Variants in SLC14A2 observed in about 807,000 individuals in gnomAD.
SLC14A2 encodes urea transporter 2.
Under a neutral mutation model 104.6 loss-of-function variants are expected in SLC14A2, and 91 were observed. The observed-to-expected ratio is 0.87, with a 90% CI of 0.73 to 1.04. The LOEUF (loss-of-function observed/expected upper bound fraction) is 1.04. Among genes scored for constraint, SLC14A2 ranks in the 50% least tolerant of loss-of-function variants. The pLI, the probability that SLC14A2 is intolerant of heterozygous loss-of-function variation, is 0.00. For missense variants in SLC14A2, 1,189 were observed against 1,156.0 expected, an observed-to-expected ratio of 1.03 and a Z score of -0.41; for synonymous variants, 476 against 466.4, an observed-to-expected ratio of 1.02 and a Z score of -0.27.
At chr18:45,386,874 A>G (rs987139218) in intron 1 of SLC14A2, among the ~76,000 whole-genome samples, 7 of 152,214 alleles carry the variant, frequency 4.6e-5, no homozygotes, top group Admixed American at 3.9e-4. Flanking sequence ...TGTGTAAACC[A>G]CTTAGCACAT....
intron 1 of SLC14A2, among the ~76,000 whole-genome samples, chr18:45,310,714 C>T (rs533277595): frequency 4.6e-5 from 7 of 152,290 alleles, no homozygotes; most frequent in East Asian, 1.9e-4. Context: ...CACACTATGT[C>T]GGTCTCTATA....
chr18:45,225,487 T>A (rs2084106103), intron 1 of SLC14A2, among the ~76,000 whole-genome samples: 1 of 152,198 alleles, frequency 6.6e-6, no homozygotes, highest in Admixed American at 6.5e-5. Context: ...TCATTTTTGG[T>A]TCCATATGAA....
At chr18:45,192,589 C>G in the SLC14A2 span, among the ~76,000 whole-genome samples, 1 of 151,460 alleles carries the variant, frequency 6.6e-6, no homozygotes, top group African/African-American at 2.4e-5. Flanking sequence ...GTCTTTTTAA[C>G]CATTCTAACA....
At chr18:45,218,471 G>C (rs537577953) in intron 1 of SLC14A2, among the ~76,000 whole-genome samples, 1 of 152,260 alleles carries the variant, frequency 6.6e-6, no homozygotes, top group Non-Finnish European at 1.5e-5. Context: ...ATGCATGCTA[G>C]TATTTTTGGT....
At chr18:45,552,771 T>C (rs2044074411) in intron 2 of SLC14A2, among the ~76,000 whole-genome samples, 1 of 151,816 alleles carries the variant, frequency 6.6e-6, no homozygotes, top group Admixed American at 6.6e-5. Flanking sequence ...GCAAAAGACG[T>C]GAGATGGGCA....
At chr18:45,295,533 C>T (rs1278910572) in intron 1 of SLC14A2, among the ~76,000 whole-genome samples, 1 of 152,184 alleles carries the variant, frequency 6.6e-6, no homozygotes, top group African/African-American at 2.4e-5. Flanking sequence ...CCATTACAAA[C>T]ATTTTCCTAG....
chr18:45,190,805 A>G, the SLC14A2 span, among the ~76,000 whole-genome samples: 2 of 152,198 alleles, frequency 1.3e-5, no homozygotes, highest in Non-Finnish European at 2.9e-5. Flanking sequence ...TTATCCGCAT[A>G]TTACAGGTGA....
At chr18:45,170,473 C>A in the SLC14A2 span, among the ~76,000 whole-genome samples, 1 of 152,110 alleles carries the variant, frequency 6.6e-6, no homozygotes, top group Non-Finnish European at 1.5e-5. Flanking sequence ...GATATATAAC[C>A]TTGAATGTTT....
In SLC14A2 at chr18:45,430,204, C is replaced by A. The variant is rs549571486; in HGVS notation, c.-124-53029C>A. On this transcript the variant is annotated intron_variant, in intron 1 of 20. Transcript: ENST00000586448. ...TCATTTTGGCAGATGGGAAAATAAT[C>A]TTTGAGAGTTAGGTAGCTTTCCCCA... Among the ~76,000 whole-genome samples the A allele has an allele frequency of 1.2e-3, 188 of 152,310 alleles. 1 individual carries two copies. The highest frequency in any genetic ancestry group is 2.1e-3 in the Non-Finnish European group (140 of 68,028).
intron 1 of SLC14A2, among the ~76,000 whole-genome samples, chr18:45,371,775 C>T (rs1460667402): frequency 6.6e-6 from 1 of 152,206 alleles, no homozygotes; most frequent in Non-Finnish European, 1.5e-5. Flanking sequence ...TTGTTGGCTT[C>T]ATATCTGATT....
At chr18:45,217,126 T>G (rs1323539586) in intron 1 of SLC14A2, among the ~76,000 whole-genome samples, 1 of 151,816 alleles carries the variant, frequency 6.6e-6, no homozygotes, top group Non-Finnish European at 1.5e-5. Context: ...CTTGCACTTC[T>G]ATTTTAATAA....
At chr18:45,624,841 T>C (rs762149625) in intron 2 of SLC14A2, 27 bp downstream of exon 2, 5 of 1,578,598 alleles carry the variant, frequency 3.2e-6, no homozygotes, top group Non-Finnish European at 2.6e-6. Flanking sequence ...CTAGGATGTT[T>C]CCTGGGAGGG....
chr18:45,565,689 A>G (rs2044256802), intron 2 of SLC14A2, among the ~76,000 whole-genome samples: 1 of 152,176 alleles, frequency 6.6e-6, no homozygotes, highest in Admixed American at 6.5e-5. Context: ...TTCCCAGCAC[A>G]CGCATCGGCT....
At chr18:45,273,409 T>G (rs1160332117) in intron 1 of SLC14A2, among the ~76,000 whole-genome samples, 1 of 152,158 alleles carries the variant, frequency 6.6e-6, no homozygotes, top group Admixed American at 6.6e-5. Flanking sequence ...TTGAGTTATC[T>G]TCTCTGGAGG....
At chr18:45,419,323 A>G (rs1358625300) in intron 1 of SLC14A2, among the ~76,000 whole-genome samples, 1 of 152,196 alleles carries the variant, frequency 6.6e-6, no homozygotes, top group African/African-American at 2.4e-5. Context: ...GCTAAGGGGT[A>G]TGATGTGTGT....
At chr18:45,221,089 G>T (rs766893684) in intron 1 of SLC14A2, among the ~76,000 whole-genome samples, 1 of 152,118 alleles carries the variant, frequency 6.6e-6, no homozygotes. Context: ...AGATTTTGGG[G>T]GTTCAGGCTT....
rs189422905 is a variant in SLC14A2 at position 45,438,790 on chromosome 18, T to C, written c.-124-44443T>C. ...AGGAATACTGGCCATCTTCCTGTCA[T>C]TTAAGAATTCCTGTCCATATAAGAA... is the stretch of plus-strand genomic sequence containing the variant. On this transcript the variant is annotated intron_variant, in intron 1 of 20. Coordinates refer to the SLC14A2 transcript ENST00000586448. Among the ~76,000 whole-genome samples, 225 of 152,326 alleles carry C rather than the reference T, an allele frequency of 1.5e-3. 2 individuals are homozygous for C. Among genetic ancestry groups the C allele is most frequent in the East Asian group, 5.8e-3 (30 of 5,190 alleles).
intron 10 of SLC14A2, chr18:45,647,925 A>G (rs2045649957): frequency 1.3e-5 from 2 of 152,106 alleles, no homozygotes; most frequent in African/African-American, 4.8e-5. Context: ...ATTAAATTTT[A>G]CTTTGAAAGA....
chr18:45,581,331 G>T (rs750808773), intron 2 of SLC14A2, among the ~76,000 whole-genome samples: 1 of 152,144 alleles, frequency 6.6e-6, no homozygotes, highest in Non-Finnish European at 1.5e-5. Context: ...AGGGACCCAG[G>T]GTCCTAGAGA....
Sources: allele counts gnomAD v4.1 joint callset (sites outside exome capture counted in the v4.1 genomes callset), GRCh38; gene constraint gnomAD v4.1.1; transcripts MANE v1.5; gene names NCBI Gene and HGNC (gene_info 2026-07-23, HGNC 2026-07-21).